The following PVT1 variants were observed in gnomAD, a reference collection of about 807,000 sequenced individuals.
The protein encoded by PVT1 is CXCR4/PVT1 fusion.
At chr8:127,904,482 A>G (rs1815796812) in intron 3 of PVT1, among the ~76,000 whole-genome samples, 1 of 152,162 alleles carries the variant, frequency 6.6e-6, no homozygotes, top group Non-Finnish European at 1.5e-5. Context: ...GTTGATGATG[A>G]TGATGATGAT....
chr8:127,965,962 G>C (rs1159411984), intron 3 of PVT1, among the ~76,000 whole-genome samples: 1 of 152,174 alleles, frequency 6.6e-6, no homozygotes, highest in Non-Finnish European at 1.5e-5. Flanking sequence ...AATCAGGGAT[G>C]GAAAACCAGT....
rs535713384 is a variant in PVT1, at chr8:127,861,720, C to T, written n.373-28869C>T. Among the ~76,000 whole-genome samples, 104 of 152,170 alleles carry T rather than the reference C, an allele frequency of 6.8e-4. No individual in the cohort carries two copies. In the South Asian group the frequency reaches 0.021, roughly 31 times the overall value. On this transcript the variant is annotated intron_variant and non_coding_transcript_variant, in intron 2 of 10. Coordinates refer to ENST00000651587, the Ensembl canonical transcript of PVT1. The stretch of plus-strand genomic sequence containing the variant: ...CTGTAAAATGGGGAAAATAAGAACC[C>T]CTTCTACATGGGGTTGTTGCGAGGA...
intron 2 of PVT1, among the ~76,000 whole-genome samples, chr8:127,828,493 T>C (rs1814815874): frequency 6.6e-6 from 1 of 152,222 alleles, no homozygotes. Flanking sequence ...GTTGTTTATA[T>C]TTCTCTTTGG....
chr8:128,000,679 AT>A (rs1440111972), intron 4 of PVT1, among the ~76,000 whole-genome samples: 1 of 152,218 alleles, frequency 6.6e-6, no homozygotes, highest in Non-Finnish European at 1.5e-5. Flanking sequence ...CACCGTAGCA[AT>A]ACTTTCCTGG....
At chr8:127,859,848 G>A (rs1012938837) in intron 2 of PVT1, among the ~76,000 whole-genome samples, 5 of 151,914 alleles carry the variant, frequency 3.3e-5, no homozygotes, top group African/African-American at 1.2e-4. Flanking sequence ...TCTCATGCAC[G>A]GAGGCCCTTG....
intron 3 of PVT1, among the ~76,000 whole-genome samples, chr8:127,915,864 T>C (rs1815978178): frequency 6.6e-6 from 1 of 152,264 alleles, no homozygotes; most frequent in Non-Finnish European, 1.5e-5. Flanking sequence ...TTGCTTCAGA[T>C]TCTTGGCTCA....
chr8:128,060,679 T>TA (rs1393792912), intron 4 of PVT1, among the ~76,000 whole-genome samples: 1 of 152,226 alleles, frequency 6.6e-6, no homozygotes. Flanking sequence ...CTTTTGCAGT[T>TA]AAACTTCCGA....
At chr8:128,059,262 C>T (rs1304901230) in intron 4 of PVT1, among the ~76,000 whole-genome samples, 4 of 152,078 alleles carry the variant, frequency 2.6e-5, no homozygotes, top group East Asian at 1.9e-4. Flanking sequence ...AGGCTCAATA[C>T]GCAGCTCAAC....
intron 2 of PVT1, among the ~76,000 whole-genome samples, chr8:127,804,537 G>GTT (rs1814504143): frequency 8.0e-6 from 1 of 125,096 alleles, no homozygotes; most frequent in African/African-American, 3.5e-5. Context: ...GTTGCATCCT[G>GTT]ATTTTTTTTT....
chr8:127,877,525 C>T (rs534424340), intron 2 of PVT1, among the ~76,000 whole-genome samples: 15 of 152,260 alleles, frequency 9.9e-5, no homozygotes, highest in African/African-American at 3.6e-4. Flanking sequence ...CATAGACAAC[C>T]CAGAAAAGCA....
chr8:128,071,146 C>G (rs1040885215), intron 5 of PVT1, among the ~76,000 whole-genome samples: 1 of 152,170 alleles, frequency 6.6e-6, no homozygotes, highest in Non-Finnish European at 1.5e-5. Flanking sequence ...AGACCCATTT[C>G]CACACCAGCT....
intron 2 of PVT1, among the ~76,000 whole-genome samples, chr8:127,819,034 C>T (rs1427123083): frequency 6.6e-6 from 1 of 152,128 alleles, no homozygotes; most frequent in African/African-American, 2.4e-5. Context: ...TTGTTTTATT[C>T]TTAGTACAGA....
intron 3 of PVT1, among the ~76,000 whole-genome samples, chr8:127,958,979 G>C (rs145705932): frequency 0.014 from 2,091 of 151,066 alleles, 22 homozygotes; most frequent in Middle Eastern, 0.051. Context: ...CACCAAGATG[G>C]GAACCCAGCA....
At chr8:127,855,597 A>T (rs1298321294) in intron 2 of PVT1, among the ~76,000 whole-genome samples, 4 of 151,984 alleles carry the variant, frequency 2.6e-5, no homozygotes, top group Non-Finnish European at 4.4e-5. Context: ...AGGGGATTGG[A>T]ATCTGCATTC....
intron 5 of PVT1, among the ~76,000 whole-genome samples, chr8:128,088,508 G>T (rs192099507): frequency 6.6e-6 from 1 of 152,184 alleles, no homozygotes; most frequent in African/African-American, 2.4e-5. Context: ...ACTGAGCGAG[G>T]TTCCCCATTT....
At position 127,956,556 on chromosome 8, in the gene PVT1, C is replaced by T. The variant is rs555338409; in HGVS notation, n.783-32606C>T. ...CTGGAGTGCAGTGGCGTGATCTCGG[C>T]TCACTGTAACCTCTGCCTCCTGAGT... On this transcript the variant is annotated intron_variant and non_coding_transcript_variant, in intron 3 of 10. Transcript: ENST00000651587. Among the ~76,000 whole-genome samples the T allele has an allele frequency of 1.1e-4, 17 of 152,372 alleles. No individual in the cohort carries two copies. In the East Asian group the frequency reaches 3.3e-3, roughly 29 times the overall value.
At chr8:127,897,706 A>G (rs1815700284) in intron 3 of PVT1, among the ~76,000 whole-genome samples, 1 of 151,158 alleles carries the variant, frequency 6.6e-6, no homozygotes, top group African/African-American at 2.4e-5. Context: ...GGAAAGAAGG[A>G]AGGAGGGGAA....
At chr8:127,866,335 C>T (rs1815286535) in intron 2 of PVT1, among the ~76,000 whole-genome samples, 1 of 152,158 alleles carries the variant, frequency 6.6e-6, no homozygotes, top group African/African-American at 2.4e-5. Context: ...GTCTGCTTTC[C>T]TGCCCCTGAC....
chr8:128,046,335 G>A (rs145962994), intron 4 of PVT1, among the ~76,000 whole-genome samples: 19 of 152,248 alleles, frequency 1.2e-4, no homozygotes, highest in African/African-American at 3.6e-4. Flanking sequence ...TGATATCCCC[G>A]TTTTCCAAAT....
Sources: allele counts gnomAD v4.1 joint callset (sites outside exome capture counted in the v4.1 genomes callset), GRCh38; gene constraint gnomAD v4.1.1; transcripts MANE v1.5; gene names NCBI Gene and HGNC (gene_info 2026-07-23, HGNC 2026-07-21).